PLOD2: variants seen among roughly 807,000 people sequenced by gnomAD.
The protein encoded by PLOD2 is lysine hydroxylase 2.
In PLOD2, 65 loss-of-function variants were observed where a neutral mutation model predicts 101.0. The observed-to-expected ratio is 0.64, with a 90% CI of 0.53 to 0.79. PLOD2 has a LOEUF of 0.79. Ranked by LOEUF, PLOD2 falls within the 30% of genes least tolerant of loss-of-function variation. PLOD2 has a pLI of 0.00. For synonymous variants in PLOD2, 314 were observed against 302.9 expected, an observed-to-expected ratio of 1.04 and a Z score of -0.38; for missense variants, 909 against 914.6, an observed-to-expected ratio of 0.99 and a Z score of 0.08.
intron 11 of PLOD2, among the ~76,000 whole-genome samples, chr3:146,083,606 GA>G (rs1410951783): frequency 6.9e-5 from 10 of 144,702 alleles, no homozygotes; most frequent in African/African-American, 2.3e-4. Flanking sequence ...TTTTGAGACG[GA>G]GTCTCGCTGT....
At chr3:146,079,087 T>G in intron 13 of PLOD2, 29 bp downstream of exon 13, 1 of 1,608,030 alleles carries the variant, frequency 6.2e-7, no homozygotes, top group Non-Finnish European at 8.5e-7. Flanking sequence ...TATAAGAACA[T>G]TCAAGCAAGC....
Position 146,071,119 on chromosome 3 carries a change from G to T in PLOD2, c.2044C>A (p.Arg682Ser). The T allele has an allele frequency of 6.2e-7, 1 of 1,610,356 alleles. No homozygotes were observed. The highest frequency in any genetic ancestry group is 1.1e-5 in the South Asian group (1 of 90,990). ...GCATCATGATGAGGACGAAGAGAAC[G>T]CTGTCGTTCAGGGGAGTATTTTACT... ...FVVKYSPERQ[R>S]SLRPHHDAST... Residue 682 changes from arginine (R) to serine (S), a missense_variant, in exon 19 of 20, where the codon CGT (arginine) becomes AGT (serine). Transcript: ENST00000282903.
intron 4 of PLOD2, among the ~76,000 whole-genome samples, chr3:146,108,136 A>T (rs1415682487): frequency 6.6e-6 from 1 of 152,074 alleles, no homozygotes; most frequent in Non-Finnish European, 1.5e-5. Flanking sequence ...ATCTATTTTC[A>T]CATTACATAT....
At chr3:146,149,230 CTT>C (rs148668243) in intron 1 of PLOD2, among the ~76,000 whole-genome samples, 2 of 151,954 alleles carry the variant, frequency 1.3e-5, no homozygotes, top group African/African-American at 4.8e-5. Context: ...GAATAGGACT[CTT>C]TTTCGAAAGA....
chr3:146,148,338 G>GCACACACACACACACACACACA (rs71158220), intron 1 of PLOD2, among the ~76,000 whole-genome samples: 2 of 146,448 alleles, frequency 1.4e-5, no homozygotes, highest in Non-Finnish European at 1.5e-5. Context: ...AGGCAGGCAC[G>GCACACACACACACACACACACA]CACACACACA....
intron 1 of PLOD2, among the ~76,000 whole-genome samples, chr3:146,141,463 T>C (rs1011896232): frequency 6.6e-6 from 1 of 152,086 alleles, no homozygotes; most frequent in Non-Finnish European, 1.5e-5. Context: ...GAGAAGTTCA[T>C]GTTCCTCAAC....
rs146076172 is a variant in PLOD2 at position 146,111,752 on chromosome 3, A to G, written c.339-1304T>C. On this transcript the variant is annotated intron_variant, in intron 3 of 19. Transcript: ENST00000282903. ...AAAAACTGATTAATCTGACATTACAAAACACAACACTGTACTTTTTCTGCT... is the reference window on the plus strand; with the variant it reads ...AAAAACTGATTAATCTGACATTACAGAACACAACACTGTACTTTTTCTGCT... 2.8e-3 allele frequency among the ~76,000 whole-genome samples: 429 copies of G among 152,286 alleles called. 2 individuals carry two copies. The highest frequency in any genetic ancestry group is 9.9e-3 in the African/African-American group (410 of 41,570).
chr3:146,124,780 T>C lies in PLOD2; in HGVS notation c.110-551A>G, dbSNP rs184207983. Among the ~76,000 whole-genome samples, 234 of 152,288 alleles carry C rather than the reference T, an allele frequency of 1.5e-3. 5 individuals are homozygous for C. The highest frequency in any genetic ancestry group is 0.014 in the Admixed American group (216 of 15,288). The stretch of plus-strand genomic sequence containing the variant: ...TTTTTTCTCCTATCCGGGATTGCTT[T>C]TTCATGAAAATTCTTACAAGCGACA... On this transcript the variant is annotated intron_variant, in intron 1 of 19. Coordinates refer to ENST00000282903, the MANE Select transcript of PLOD2 (RefSeq NM_182943.3).
At position 146,144,620 on chromosome 3, in the gene PLOD2, GCAAA is replaced by G. The variant is rs375125658; in HGVS notation, c.109+16257_109+16260del. Reference sequence around the variant, plus strand: ...ATATTATTTTTGTTAGTGTCAAATGGCAAACAAGCTATATATCGAATAAGGTAAT... The same window carrying G: ...ATATTATTTTTGTTAGTGTCAAATGGCAAGCTATATATCGAATAAGGTAAT... On this transcript the variant is annotated intron_variant, in intron 1 of 19. Transcript: ENST00000282903. Among the ~76,000 whole-genome samples the G allele has an allele frequency of 6.1e-4, 92 of 151,948 alleles. 1 individual carries two copies. The highest frequency in any genetic ancestry group is 3.4e-3 in the Middle Eastern group (1 of 294).
rs2107988770 is a variant in PLOD2 at position 146,069,961 on chromosome 3, T to C, written c.*756A>G. The C allele has an allele frequency of 6.6e-6, 1 of 152,302 alleles. No individual in the cohort carries two copies. Among genetic ancestry groups the C allele is most frequent in the South Asian group, 2.1e-4 (1 of 4,830 alleles). 9.4% of individuals were successfully genotyped at this position (152,302 alleles called of 1,614,324 possible). ...TTTGACTTAAGGACACTTGCTGATC[T>C]TGACACTTGATAATACTTTAAGAAA... is the stretch of plus-strand genomic sequence containing the variant. On this transcript the variant is annotated 3_prime_UTR_variant, in exon 20 of 20. Coordinates refer to ENST00000282903, the MANE Select transcript of PLOD2 (RefSeq NM_182943.3).
At chr3:146,105,897 C>T (rs1294778890) in intron 5 of PLOD2, among the ~76,000 whole-genome samples, 1 of 152,062 alleles carries the variant, frequency 6.6e-6, no homozygotes, top group African/African-American at 2.4e-5. Flanking sequence ...TTTTAAACTG[C>T]AAAAGTTCAC....
In PLOD2 at chr3:146,071,382, A is replaced by G; in HGVS notation, c.1890T>C (p.Asp630=). ...GATCAACTTGCTTCATGTGGATATC[A>G]TCAGTTGGGACATTTTCATAACCAC... ...ISGGYENVPT[D]DIHMKQVDLE... is the part of the protein sequence containing the mutation. The change falls in exon 18 of 20, where the codon GAT becomes GAC. Residue 630 remains aspartate, a synonymous_variant. Coordinates refer to ENST00000282903, the MANE Select transcript of PLOD2 (RefSeq NM_182943.3). The G allele has an allele frequency of 6.2e-7, 1 of 1,611,684 alleles. No homozygotes were observed. Among genetic ancestry groups the G allele is most frequent in the Non-Finnish European group, 8.5e-7 (1 of 1,178,296 alleles).
chr3:146,152,552 G>A (rs1445141129), intron 1 of PLOD2, among the ~76,000 whole-genome samples: 4 of 152,076 alleles, frequency 2.6e-5, no homozygotes, highest in African/African-American at 9.7e-5. Context: ...TCTACCCATG[G>A]ATCTCATGGA....
At position 146,088,445 on chromosome 3, in the gene PLOD2, C is replaced by T; in HGVS notation, c.1005+141G>A. ...CTCTAGAATCTAAAATCCTTAGGTC[C>T]TAAAAAGGCAGGGCTGTAATTACTC... On this transcript the variant is annotated intron_variant, in intron 9 of 19. Coordinates refer to ENST00000282903, the MANE Select transcript of PLOD2 (RefSeq NM_182943.3). 1.6e-5 allele frequency: 10 copies of T among 624,660 alleles called. No homozygotes were observed. In the South Asian group the frequency reaches 1.8e-4, roughly 11 times the overall value. 38.7% of individuals were successfully genotyped at this position (624,660 alleles called of 1,614,324 possible).
At chr3:146,151,953 T>C (rs552044400) in intron 1 of PLOD2, among the ~76,000 whole-genome samples, 1 of 152,356 alleles carries the variant, frequency 6.6e-6, no homozygotes, top group East Asian at 1.9e-4. Context: ...AAATTTACAA[T>C]GCTGTTAGTT....
intron 7 of PLOD2, among the ~76,000 whole-genome samples, chr3:146,093,117 G>C (rs1344033361): frequency 1.3e-5 from 2 of 152,078 alleles, no homozygotes; most frequent in Non-Finnish European, 2.9e-5. Context: ...GTTAAAGTGT[G>C]GAATACATGA....
At chr3:146,157,539 A>C (rs2032359416) in intron 1 of PLOD2, among the ~76,000 whole-genome samples, 1 of 152,212 alleles carries the variant, frequency 6.6e-6, no homozygotes, top group South Asian at 2.1e-4. Context: ...CGGATTCTCA[A>C]TTCCAGTAGA....
At chr3:146,097,395 T>C (rs1205317588) in intron 7 of PLOD2, among the ~76,000 whole-genome samples, 2 of 126,978 alleles carry the variant, frequency 1.6e-5, no homozygotes, top group African/African-American at 6.2e-5. Context: ...AATCTGATGG[T>C]TGCCGGGTCT....
intron 3 of PLOD2, among the ~76,000 whole-genome samples, chr3:146,111,637 A>G (rs1184434312): frequency 6.6e-6 from 1 of 152,142 alleles, no homozygotes; most frequent in Non-Finnish European, 1.5e-5. Flanking sequence ...TTTTATTTTT[A>G]GCCAAATACT....
Sources: allele counts gnomAD v4.1 joint callset (sites outside exome capture counted in the v4.1 genomes callset), GRCh38; gene constraint gnomAD v4.1.1; transcripts MANE v1.5; gene names NCBI Gene and HGNC (gene_info 2026-07-23, HGNC 2026-07-21).